The following CAP2 variants were observed in gnomAD, a reference collection of about 807,000 sequenced individuals.
CAP2 encodes the protein adenylyl cyclase-associated protein 2.
Under a neutral mutation model 57.7 loss-of-function variants are expected in CAP2, and 24 were observed. The ratio of observed to expected loss-of-function variants is 0.42; its 90% CI spans 0.30 to 0.58. The LOEUF (loss-of-function observed/expected upper bound fraction) is 0.58. Among genes scored for constraint, CAP2 ranks in the 20% least tolerant of loss-of-function variants. The probability of loss-of-function intolerance (pLI) is 0.22; values close to 1 mark genes in which losing one functional copy is unlikely to be tolerated. For synonymous variants in CAP2, 194 were observed against 207.2 expected (o/e 0.94, Z 0.55); for missense variants, 501 against 590.3 (o/e 0.85, Z 1.57).
At chr6:17,452,358 G>A (rs530207388) in intron 3 of CAP2, among the ~76,000 whole-genome samples, 3 of 152,178 alleles carry the variant, frequency 2.0e-5, no homozygotes, top group African/African-American at 4.8e-5. Flanking sequence ...ACAAGCAGAC[G>A]TATATGTTTC....
intron 4 of CAP2, among the ~76,000 whole-genome samples, chr6:17,471,728 G>A (rs771917611): frequency 4.0e-5 from 6 of 151,714 alleles, no homozygotes; most frequent in Non-Finnish European, 5.9e-5. Flanking sequence ...CTACTCAGGA[G>A]GCTGAGGCAG....
chr6:17,551,631 G>T (rs1209932083), intron 12 of CAP2, 27 bp downstream of exon 12: 2 of 1,530,974 alleles, frequency 1.3e-6, no homozygotes, highest in Non-Finnish European at 8.9e-7. Flanking sequence ...AGGCTGTCAA[G>T]AATTTTTCTG....
Position 17,393,724 on chromosome 6 carries a change from G to C in CAP2, c.-24G>C, listed in dbSNP as rs1003082691. On this transcript the variant is annotated 5_prime_UTR_variant, in exon 1 of 13. Coordinates refer to ENST00000229922, the MANE Select transcript of CAP2 (RefSeq NM_006366.3). The stretch of plus-strand genomic sequence containing the variant: ...ACCACGGATTTGCATTGCCGAGGAC[G>C]GGACCCCAGGGCAGCGAAGCAGGTA... The C allele has an allele frequency of 1.2e-4, 18 of 152,158 alleles. No individual in the cohort carries two copies. Among genetic ancestry groups the C allele is most frequent in the Non-Finnish European group, 1.9e-4 (13 of 68,064 alleles). 9.4% of individuals were successfully genotyped at this position (152,158 alleles called of 1,614,324 possible).
rs1308030989 is a variant in CAP2 at position 17,513,594 on chromosome 6, C to T, written c.531-255C>T. Reference sequence around the variant, plus strand: ...CAAGTCAGCTTAGCTCTGTCGGGTCCCCTCTCTGTGGTACCTCTGCTCCAT... The same window carrying T: ...CAAGTCAGCTTAGCTCTGTCGGGTCTCCTCTCTGTGGTACCTCTGCTCCAT... On this transcript the variant is annotated intron_variant, in intron 6 of 12. Transcript: ENST00000229922. The surrounding 1 kb of genome is among the most constrained non-coding windows in gnomAD (Gnocchi z 4.3). 6.6e-6 allele frequency among the ~76,000 whole-genome samples: 1 copy of T among 152,066 alleles called. No homozygotes were observed. Among genetic ancestry groups the T allele is most frequent in the African/African-American group, 2.4e-5 (1 of 41,384 alleles).
At chr6:17,403,114 T>G (rs1463404280) in intron 1 of CAP2, among the ~76,000 whole-genome samples, 2 of 152,202 alleles carry the variant, frequency 1.3e-5, no homozygotes, top group Non-Finnish European at 2.9e-5. Flanking sequence ...ATTATTATTT[T>G]TTATTGAGAT....
At chr6:17,485,087 G>T (rs548077552) in intron 4 of CAP2, among the ~76,000 whole-genome samples, 5 of 152,100 alleles carry the variant, frequency 3.3e-5, no homozygotes, top group African/African-American at 7.2e-5. Flanking sequence ...ATCAGGGAGA[G>T]AATTTGAGAT....
chr6:17,479,787 A>AT (rs1035411939), intron 4 of CAP2, among the ~76,000 whole-genome samples: 6 of 148,978 alleles, frequency 4.0e-5, no homozygotes, highest in East Asian at 3.9e-4. Flanking sequence ...AATTTTTTGT[A>AT]TTTTTTTTTA....
At chr6:17,555,755 T>G (rs1466427980) in intron 12 of CAP2, among the ~76,000 whole-genome samples, 1 of 148,100 alleles carries the variant, frequency 6.8e-6, no homozygotes, top group East Asian at 2.1e-4. Context: ...TTAGTAGAGA[T>G]AGGGTTTCAC....
chr6:17,480,952 ATTT>A (rs59581120), intron 4 of CAP2, among the ~76,000 whole-genome samples: 3 of 70,722 alleles, frequency 4.2e-5, no homozygotes, highest in Non-Finnish European at 5.2e-5. Context: ...CTAATTTTGT[ATTT>A]TTTTTTTTTT....
At chr6:17,490,105 A>G (rs1337660892) in intron 4 of CAP2, among the ~76,000 whole-genome samples, 1 of 152,170 alleles carries the variant, frequency 6.6e-6, no homozygotes, top group African/African-American at 2.4e-5. Context: ...CATAGTCTAT[A>G]TTAATATGCA....
chr6:17,412,692 G>T (rs1029406917), intron 1 of CAP2, among the ~76,000 whole-genome samples: 6 of 151,954 alleles, frequency 3.9e-5, no homozygotes, highest in Non-Finnish European at 8.8e-5. Context: ...TTGTACATGT[G>T]GTTTAGATGG....
intron 3 of CAP2, among the ~76,000 whole-genome samples, chr6:17,427,226 A>C (rs1429669500): frequency 1.3e-5 from 2 of 152,080 alleles, no homozygotes; most frequent in Non-Finnish European, 2.9e-5. Context: ...TCCCAGCAGA[A>C]CAGAAGGCCT....
chr6:17,489,555 G>A (rs58955192), intron 4 of CAP2, among the ~76,000 whole-genome samples: 130 of 152,272 alleles, frequency 8.5e-4, no homozygotes, highest in African/African-American at 3.1e-3. Flanking sequence ...CCCAAAGGGT[G>A]TTGAATGACC....
intron 3 of CAP2, among the ~76,000 whole-genome samples, chr6:17,450,101 G>C (rs1304142190): frequency 6.6e-6 from 1 of 151,278 alleles, no homozygotes; most frequent in African/African-American, 2.4e-5. Flanking sequence ...ACCCAGGCTG[G>C]AGTGCAGTGG....
chr6:17,427,337 C>T (rs1025751940), intron 3 of CAP2, among the ~76,000 whole-genome samples: 1 of 152,114 alleles, frequency 6.6e-6, no homozygotes, highest in Non-Finnish European at 1.5e-5. Flanking sequence ...GATGGGAAGC[C>T]ACCCGGGGTC....
In CAP2 at chr6:17,551,599, G is replaced by GA; in HGVS notation, c.1346dup (p.Asp449GlufsTer3). 6.2e-7 allele frequency: 1 copy of GA among 1,602,798 alleles called. No individual in the cohort carries two copies. The highest frequency in any genetic ancestry group is 8.5e-7 in the Non-Finnish European group (1 of 1,174,708). Reference sequence around the variant, plus strand: ...GAACATACTTATCCCTCAGGATGGTGATTATGTAAGTACCTTTCAAAAGGC... The same window carrying GA: ...GAACATACTTATCCCTCAGGATGGTGAATTATGTAAGTACCTTTCAAAAGGC... On this transcript the variant is annotated frameshift_variant, in exon 12 of 13. Transcript: ENST00000229922. LOFTEE classifies it high-confidence loss of function.
chr6:17,530,794 T>G (rs1762621161), intron 7 of CAP2: 1 of 557,348 alleles, frequency 1.8e-6, no homozygotes, highest in East Asian at 3.1e-5. Flanking sequence ...CAGGTGATAT[T>G]TTTTTCATTT....
intron 4 of CAP2, among the ~76,000 whole-genome samples, chr6:17,490,614 G>A (rs113882894): frequency 0.035 from 5,339 of 152,296 alleles, 123 homozygotes; most frequent in Non-Finnish European, 0.052. Context: ...GCAACAGCAC[G>A]CCTTTGCGGG....
At position 17,396,638 on chromosome 6, in the gene CAP2, C is replaced by T. The variant is rs191626803; in HGVS notation, c.-2+2892C>T. ...AAAGTAGATTTTTTGTTGCTTAGGG[C>T]TGAAGGGGCTGGAGGTGGGTTGAGT... On this transcript the variant is annotated intron_variant, in intron 1 of 12. Coordinates refer to ENST00000229922, the MANE Select transcript of CAP2 (RefSeq NM_006366.3). Among the ~76,000 whole-genome samples the T allele has an allele frequency of 6.5e-4, 99 of 152,210 alleles. 1 individual carries two copies. In the South Asian group the frequency reaches 7.9e-3, roughly 12 times the overall value.
Sources: allele counts gnomAD v4.1 joint callset (sites outside exome capture counted in the v4.1 genomes callset), GRCh38; gene constraint gnomAD v4.1.1; non-coding constraint Gnocchi (gnomAD v3.1); transcripts MANE v1.5; gene names NCBI Gene and HGNC (gene_info 2026-07-23, HGNC 2026-07-21).